Variants in TEKT5 observed in about 807,000 individuals in gnomAD.
TEKT5 encodes tektin 5.
In TEKT5, 52 loss-of-function variants were observed where a neutral mutation model predicts 48.7. The ratio of observed to expected loss-of-function variants is 1.07; its 90% CI spans 0.86 to 1.35. TEKT5 has a LOEUF of 1.35. TEKT5 is among the 40% of genes most tolerant of loss of function. The probability of loss-of-function intolerance (pLI) is 0.00; values close to 1 mark genes in which losing one functional copy is unlikely to be tolerated. For missense variants in TEKT5, 831 were observed against 641.6 expected (o/e 1.30, Z -3.19); for synonymous variants, 318 against 267.6 (o/e 1.19, Z -1.84).
intron 3 of TEKT5, 53 bp from the exon 4 acceptor site, chr16:10,682,189 G>C: frequency 2.5e-6 from 4 of 1,587,812 alleles, no homozygotes; most frequent in East Asian, 4.5e-5. Flanking sequence ...AGAGTACCCA[G>C]CTTGGGCCAC....
At chr16:10,661,616 G>A (rs912601703) in intron 5 of TEKT5, among the ~76,000 whole-genome samples, 2 of 152,220 alleles carry the variant, frequency 1.3e-5, no homozygotes, top group African/African-American at 4.8e-5. Context: ...AATTGCTAAA[G>A]AAACGAGGTC....
At chr16:10,659,680 G>A (rs1428930973) in intron 5 of TEKT5, among the ~76,000 whole-genome samples, 1 of 152,182 alleles carries the variant, frequency 6.6e-6, no homozygotes, top group African/African-American at 2.4e-5. Context: ...TTTAAAAAAA[G>A]TTTTAATAAG....
At chr16:10,666,933 C>T (rs189910737) in intron 5 of TEKT5, among the ~76,000 whole-genome samples, 5 of 151,566 alleles carry the variant, frequency 3.3e-5, no homozygotes, top group Admixed American at 6.6e-5. Context: ...CCAGGGATTC[C>T]GATGAAATGA....
At chr16:10,629,837 C>A (rs557402891) in intron 6 of TEKT5, among the ~76,000 whole-genome samples, 4 of 152,224 alleles carry the variant, frequency 2.6e-5, no homozygotes, top group Admixed American at 2.6e-4. Context: ...CAAGGTCTGG[C>A]GCCCCTTGCA....
Position 10,694,358 on chromosome 16 carries a change from G to A in TEKT5, c.516C>T (p.Val172=). The A allele has an allele frequency of 6.2e-7, 1 of 1,613,154 alleles. No homozygotes were observed. Among genetic ancestry groups the A allele is most frequent in the Non-Finnish European group, 8.5e-7 (1 of 1,179,498 alleles). The change falls in exon 1 of 7, where the codon GTC becomes GTT. Residue 172 remains valine, a synonymous_variant. Coordinates refer to ENST00000283025, the MANE Select transcript of TEKT5 (RefSeq NM_144674.2). The part of the protein sequence containing the change: ...LLTENQNLET[V]KRRLECAANE... ...TGGCCGCGCACTCCAGCCGCCTCTTGACCGTCTCCAAGTTCTGGTTCTCAG... is the reference window on the plus strand; with the variant it reads ...TGGCCGCGCACTCCAGCCGCCTCTTAACCGTCTCCAAGTTCTGGTTCTCAG...
intron 3 of TEKT5, 83 bp downstream of exon 3, chr16:10,689,170 C>A: frequency 9.2e-7 from 1 of 1,087,628 alleles, no homozygotes. Flanking sequence ...GACAAGTGGG[C>A]CCATCTGGCT....
chr16:10,627,889 C>T (rs1016937411), intron 6 of TEKT5, 90 bp from the exon 7 acceptor site: 8 of 1,281,406 alleles, frequency 6.2e-6, no homozygotes, highest in Non-Finnish European at 8.6e-6. Flanking sequence ...GTCACCCAGG[C>T]TGGAGTGCAG....
At chr16:10,660,861 C>T (rs561243357) in intron 5 of TEKT5, among the ~76,000 whole-genome samples, 6 of 152,036 alleles carry the variant, frequency 3.9e-5, no homozygotes, top group South Asian at 2.1e-4. Flanking sequence ...CCGCCACGCA[C>T]GGCTAATTTT....
intron 5 of TEKT5, among the ~76,000 whole-genome samples, chr16:10,652,766 AC>A (rs1468000720): frequency 8.3e-3 from 29 of 3,486 alleles, no homozygotes; most frequent in Non-Finnish European, 0.025. Context: ...ACACAGGCAA[AC>A]ACACACACAC....
chr16:10,672,382 G>A (rs939379524), intron 5 of TEKT5, among the ~76,000 whole-genome samples: 4 of 151,944 alleles, frequency 2.6e-5, no homozygotes, highest in East Asian at 1.9e-4. Context: ...ACTTGGGCCC[G>A]GAAGTTCAAG....
At chr16:10,654,310 C>CA (rs1188847352) in intron 5 of TEKT5, among the ~76,000 whole-genome samples, 1 of 152,144 alleles carries the variant, frequency 6.6e-6, no homozygotes, top group Non-Finnish European at 1.5e-5. Context: ...CTCAGCCTCC[C>CA]AAAGTGCTGG....
intron 3 of TEKT5, among the ~76,000 whole-genome samples, chr16:10,682,806 C>G (rs978572633): frequency 2.0e-5 from 3 of 152,184 alleles, no homozygotes; most frequent in African/African-American, 7.2e-5. Flanking sequence ...TTTACAAAAA[C>G]AGATGGCGGG....
intron 1 of TEKT5, among the ~76,000 whole-genome samples, chr16:10,692,326 C>G (rs1898994330): frequency 1.3e-5 from 2 of 152,148 alleles, no homozygotes; most frequent in South Asian, 4.1e-4. Context: ...CTGCTCCCTG[C>G]ATTCCATGGA....
At chr16:10,650,959 A>C (rs1488866261) in intron 5 of TEKT5, among the ~76,000 whole-genome samples, 2 of 151,872 alleles carry the variant, frequency 1.3e-5, no homozygotes, top group Non-Finnish European at 2.9e-5. Context: ...CTGGGGCACC[A>C]TGACAGCTTC....
At position 10,694,461 on chromosome 16, in the gene TEKT5, C is replaced by T. The variant is rs1354548755; in HGVS notation, c.413G>A (p.Cys138Tyr). 3.1e-6 allele frequency: 5 copies of T among 1,614,156 alleles called. No homozygotes were observed. The highest frequency in any genetic ancestry group is 4.2e-6 in the Non-Finnish European group (5 of 1,180,032). Residue 138 changes from cysteine to tyrosine, a missense_variant, in exon 1 of 7, where the codon TGC becomes TAC. Cys to Tyr is a radical substitution (Grantham distance 194). Coordinates refer to ENST00000283025, the MANE Select transcript of TEKT5 (RefSeq NM_144674.2). ...CGACAGCCTCTGGCCCAGGTTCCGG[C>T]AGGTGCCCTCCTGCATCTGGTGCGT... is the stretch of plus-strand genomic sequence containing the variant. ...QLTHQMQEGT[C>Y]RNLGQRLSDI...
Position 10,653,576 on chromosome 16 carries a change from T to A in TEKT5, c.1087-17658A>T, listed in dbSNP as rs184688516. Among the ~76,000 whole-genome samples, 673 of 152,364 alleles carry A rather than the reference T, an allele frequency of 4.4e-3. 7 individuals are homozygous for A. The highest frequency in any genetic ancestry group is 6.4e-3 in the Non-Finnish European group (437 of 68,036). On this transcript the variant is annotated intron_variant, in intron 5 of 6. Transcript: ENST00000283025. ...TGAGCCCTTTCTAGCTGCCAGACAC[T>A]GTGTAGGACACTTGTTCTTTTGTCT...
At chr16:10,660,171 C>T (rs1440901740) in intron 5 of TEKT5, among the ~76,000 whole-genome samples, 2 of 152,140 alleles carry the variant, frequency 1.3e-5, no homozygotes, top group East Asian at 3.9e-4. Context: ...TAACATCCCC[C>T]ACCCTAGCCC....
At chr16:10,629,049 C>A (rs1026678679) in intron 6 of TEKT5, among the ~76,000 whole-genome samples, 1 of 151,988 alleles carries the variant, frequency 6.6e-6, no homozygotes, top group African/African-American at 2.4e-5. Flanking sequence ...CCAGAAGAGG[C>A]AAAGCCATAC....
chr16:10,664,165 T>G (rs1476096534), intron 5 of TEKT5, among the ~76,000 whole-genome samples: 2 of 152,240 alleles, frequency 1.3e-5, no homozygotes. Context: ...CCCTCTAGAA[T>G]GTAAGCCCCC....
Sources: allele counts gnomAD v4.1 joint callset (sites outside exome capture counted in the v4.1 genomes callset), GRCh38; gene constraint gnomAD v4.1.1; transcripts MANE v1.5; gene names NCBI Gene and HGNC (gene_info 2026-07-23, HGNC 2026-07-21).